Variants in USP43 observed in about 807,000 individuals in gnomAD.
The protein encoded by USP43 is ubiquitin carboxyl-terminal hydrolase 43.
Under a neutral mutation model 90.7 loss-of-function variants are expected in USP43, and 33 were observed. That is an observed-to-expected ratio of 0.36 (90% CI 0.28 to 0.49). The LOEUF is 0.49. Among genes scored for constraint, USP43 ranks in the 20% least tolerant of loss-of-function variants. The pLI, the probability that USP43 is intolerant of heterozygous loss-of-function variation, is 0.98. For missense variants in USP43, 1,274 were observed against 1,476.4 expected (o/e 0.86, Z 2.25); for synonymous variants, 598 against 615.8 (o/e 0.97, Z 0.43).
chr17:9,690,002 A>G (rs1335587527), intron 8 of USP43, among the ~76,000 whole-genome samples: 1 of 152,154 alleles, frequency 6.6e-6, no homozygotes, highest in Non-Finnish European at 1.5e-5. Flanking sequence ...GAAGCCGTAG[A>G]CGAACTGGAA....
intron 2 of USP43, among the ~76,000 whole-genome samples, chr17:9,661,175 T>C (rs907348258): frequency 9.9e-5 from 15 of 152,206 alleles, no homozygotes; most frequent in African/African-American, 3.1e-4. Context: ...ACATTTTTAT[T>C]ACCCTGTTAG....
At chr17:9,684,124 G>A (rs1041355568) in intron 7 of USP43, among the ~76,000 whole-genome samples, 10 of 151,720 alleles carry the variant, frequency 6.6e-5, no homozygotes, top group South Asian at 4.2e-4. Flanking sequence ...GCGACAGATC[G>A]AGACTGTCTC....
Position 9,686,837 on chromosome 17 carries a change from T to C in USP43, c.1281T>C (p.Val427=). The C allele has an allele frequency of 6.2e-7, 1 of 1,613,948 alleles. No individual in the cohort carries two copies. Among genetic ancestry groups the C allele is most frequent in the Non-Finnish European group, 8.5e-7 (1 of 1,179,872 alleles). The change falls in exon 8 of 15, where the codon GTT becomes GTC. Residue 427 remains valine, a synonymous_variant. Transcript: ENST00000285199. This position sits in a 1 kb window ranked among gnomAD's most constrained non-coding sequence, Gnocchi z 5.5. Reference sequence around the variant, plus strand: ...TCCTGATAAGGGAAGACAGAGCTGTTTCCTGGGCCCAGCTCCAGCAGTCTA... The same window carrying C: ...TCCTGATAAGGGAAGACAGAGCTGTCTCCTGGGCCCAGCTCCAGCAGTCTA... ...PPFLIREDRA[V]SWAQLQQSIL...
intron 10 of USP43, 25 bp downstream of exon 10, chr17:9,700,274 TG>T (rs1915495955): frequency 1.9e-6 from 3 of 1,573,466 alleles, no homozygotes; most frequent in Admixed American, 1.9e-5. Context: ...ATTTGCCACC[TG>T]CAGAGCTGAG....
At chr17:9,682,371 C>T (rs1914343761) in intron 6 of USP43, among the ~76,000 whole-genome samples, 1 of 152,150 alleles carries the variant, frequency 6.6e-6, no homozygotes, top group South Asian at 2.1e-4. Context: ...AGTTCAAGAC[C>T]AGCTTGGCCA....
At position 9,711,823 on chromosome 17, in the gene USP43, GACA is replaced by G. The variant is rs1916212120; in HGVS notation, c.2171-144_2171-142del. 3.3e-6 allele frequency: 3 copies of G among 898,282 alleles called. No homozygotes were observed. In the African/African-American group the frequency reaches 5.2e-5, roughly 16 times the overall value. 55.6% of individuals were successfully genotyped at this position (898,282 alleles called of 1,614,324 possible). On this transcript the variant is annotated intron_variant, in intron 13 of 14. Transcript: ENST00000285199. ...ATCACAGGTTTCCCCTCTCCTTGTT[GACA>G]GGTTTCTGCAGTTCTGTTCTGGTTC...
chr17:9,720,258 G>C (rs1304752978), intron 14 of USP43, among the ~76,000 whole-genome samples: 2 of 149,114 alleles, frequency 1.3e-5, no homozygotes, highest in Non-Finnish European at 1.5e-5. Flanking sequence ...CCTGCAAGGT[G>C]GAGGTTGCAG....
intron 2 of USP43, among the ~76,000 whole-genome samples, chr17:9,657,377 T>C (rs1912333476): frequency 6.6e-6 from 1 of 151,858 alleles, no homozygotes; most frequent in Non-Finnish European, 1.5e-5. Context: ...TGTGGTGGCA[T>C]GCTCCTGTAA....
At position 9,650,683 on chromosome 17, in the gene USP43, C is replaced by T. The variant is rs144920361; in HGVS notation, c.504+4547C>T. Among the ~76,000 whole-genome samples the T allele has an allele frequency of 9.7e-4, 147 of 152,256 alleles. 1 individual carries two copies. In the East Asian group the frequency reaches 0.024, roughly 24 times the overall value. ...CTCTCATTACAGGTATGAGCCACCA[C>T]GCCCGGCCAACATACCTATGTTTTT... On this transcript the variant is annotated intron_variant, in intron 1 of 14. Transcript: ENST00000285199.
chr17:9,657,328 G>A (rs1181549723), intron 2 of USP43, among the ~76,000 whole-genome samples: 4 of 152,038 alleles, frequency 2.6e-5, no homozygotes, highest in Non-Finnish European at 2.9e-5. Flanking sequence ...CCAAGATGGC[G>A]AAACCCCATC....
rs1472502601 is a variant in USP43, at chr17:9,674,968, C to A, written c.818C>A (p.Pro273His). 1 of 1,614,024 alleles carries A rather than the reference C, an allele frequency of 6.2e-7. No homozygotes were observed. Among genetic ancestry groups the A allele is most frequent in the Admixed American group, 1.7e-5 (1 of 60,020 alleles). Residue 273 changes from proline (P) to histidine (H), a missense_variant, in exon 4 of 15, where the codon CCC (proline) becomes CAC (histidine). Coordinates refer to ENST00000285199, the MANE Select transcript of USP43 (RefSeq NM_153210.5). This position sits in a 1 kb window ranked among gnomAD's most constrained non-coding sequence, Gnocchi z 4.4. ...TTCCTGTGTGTGTCCCTACCTATCC[C>A]CTTGCGCCAGACGAGGTACGTGAGT... ...DPFLCVSLPI[P>H]LRQTRFLSVT...
At chr17:9,720,147 G>A (rs1054480376) in intron 14 of USP43, among the ~76,000 whole-genome samples, 1 of 151,652 alleles carries the variant, frequency 6.6e-6, no homozygotes, top group African/African-American at 2.4e-5. Flanking sequence ...CCAATGTGGT[G>A]AAACCCCGTC....
intron 14 of USP43, 71 bp downstream of exon 14, chr17:9,712,203 G>C (rs1406894338): frequency 6.9e-7 from 1 of 1,441,338 alleles, no homozygotes; most frequent in African/African-American, 1.5e-5. Context: ...CAGTATGAAA[G>C]CGCTGTCACT....
At chr17:9,679,847 A>G (rs1192542959) in intron 5 of USP43, among the ~76,000 whole-genome samples, 1 of 152,016 alleles carries the variant, frequency 6.6e-6, no homozygotes, top group East Asian at 1.9e-4. Context: ...ATTTACTTCA[A>G]TGTTTGGTAA....
chr17:9,666,798 ACTCAATTCCTGGTAACCAGT>A, intron 3 of USP43, 47 bp downstream of exon 3: 1 of 1,466,960 alleles, frequency 6.8e-7, no homozygotes, highest in South Asian at 1.2e-5. Flanking sequence ...GGCTCCGCAG[ACTCAATTCCTGGTAACCAGT>A]CTCCCATTGA....
chr17:9,727,965 C>T lies in USP43; in HGVS notation c.2347C>T (p.Pro783Ser), dbSNP rs2152005351. The change falls in exon 15 of 15, where the codon CCC (proline) becomes TCC (serine). Residue 783 changes from proline to serine, a missense_variant. Around this residue, in one of 6 missense-constraint regions of USP43, gnomAD observed 285 missense variants for 349.6 expected, o/e 0.82. Coordinates refer to ENST00000285199, the MANE Select transcript of USP43 (RefSeq NM_153210.5). ...TCTGTCTCTTTCAGGAGGGTTGGAG[C>T]CCAGGCGTTTGGTACGGGGCGTGAA... The part of the protein sequence containing the change: ...LCNQEKGGLE[P>S]RRLVRGVKGR... 2 of 1,602,238 alleles carry T rather than the reference C, an allele frequency of 1.2e-6. No individual in the cohort carries two copies. The highest frequency in any genetic ancestry group is 1.7e-6 in the Non-Finnish European group (2 of 1,171,336).
intron 9 of USP43, among the ~76,000 whole-genome samples, chr17:9,699,444 C>T (rs962871517): frequency 6.6e-6 from 1 of 152,256 alleles, no homozygotes; most frequent in African/African-American, 2.4e-5. Context: ...GAGCTCAAAA[C>T]CTTTTATCAG....
At position 9,702,044 on chromosome 17, in the gene USP43, T is replaced by C. The variant is rs939352797; in HGVS notation, c.2011+344T>C. ...CCTTGTCCCAGCTATAGAGTTGACA[T>C]TGAGTTAGGTTGGAGGTTGGAATAT... On this transcript the variant is annotated intron_variant, in intron 12 of 14. Transcript: ENST00000285199. Among the ~76,000 whole-genome samples the C allele has an allele frequency of 7.9e-5, 12 of 152,156 alleles. No homozygotes were observed. The South Asian group carries it at 2.1e-3, about 26-fold the overall frequency.
chr17:9,693,404 G>A (rs1040837477), intron 9 of USP43, among the ~76,000 whole-genome samples, 174 bp downstream of exon 9: 11 of 150,764 alleles, frequency 7.3e-5, no homozygotes, highest in South Asian at 2.1e-4. Context: ...CTTTGAACCC[G>A]TATGTCTGGA....
Sources: allele counts gnomAD v4.1 joint callset (sites outside exome capture counted in the v4.1 genomes callset), GRCh38; gene constraint gnomAD v4.1.1; regional missense constraint gnomAD v4.1.1; non-coding constraint Gnocchi (gnomAD v3.1); transcripts MANE v1.5; gene names NCBI Gene and HGNC (gene_info 2026-07-23, HGNC 2026-07-21).